ZNF585B: variants seen among roughly 807,000 people sequenced by gnomAD.
ZNF585B encodes the protein zinc finger protein 585B.
ZNF585B carries 7 observed loss-of-function variants against 14.0 expected under a neutral mutation model. The observed-to-expected ratio is 0.50, with a 90% CI of 0.28 to 0.94. The LOEUF (loss-of-function observed/expected upper bound fraction) is 0.94, where lower values mean the gene tolerates loss of function less well. Ranked by LOEUF, ZNF585B falls within the 40% of genes least tolerant of loss-of-function variation. The pLI, the probability that ZNF585B is intolerant of heterozygous loss-of-function variation, is 0.09. For synonymous variants in ZNF585B, 290 were observed against 317.3 expected (o/e 0.91, Z 0.91); for missense variants, 750 against 924.4 (o/e 0.81, Z 2.45).
chr19:37,195,294 C>T (rs1972450819), intron 2 of ZNF585B, among the ~76,000 whole-genome samples: 1 of 128,828 alleles, frequency 7.8e-6, no homozygotes, highest in Non-Finnish European at 1.6e-5. Flanking sequence ...TGCAGTGAGC[C>T]GAGATCATGC....
intron 2 of ZNF585B, 85 bp from the exon 3 acceptor site, chr19:37,190,235 TG>T (rs1487338691): frequency 4.5e-6 from 7 of 1,560,670 alleles, no homozygotes; most frequent in Non-Finnish European, 6.1e-6. Flanking sequence ...ACATGGGTTT[TG>T]TTGTTTTTAA....
intron 2 of ZNF585B, among the ~76,000 whole-genome samples, chr19:37,196,697 C>G (rs1972468315): frequency 6.6e-6 from 1 of 152,126 alleles, no homozygotes; most frequent in South Asian, 2.1e-4. Flanking sequence ...TTCACTTCCA[C>G]TTAATAAATA....
chr19:37,196,964 T>C (rs1280742340), intron 2 of ZNF585B, among the ~76,000 whole-genome samples: 2 of 152,216 alleles, frequency 1.3e-5, no homozygotes, highest in African/African-American at 4.8e-5. Context: ...GTGCTTAGTA[T>C]AATTGCGGTT....
intron 2 of ZNF585B, among the ~76,000 whole-genome samples, chr19:37,206,787 C>T (rs1374556038): frequency 6.6e-6 from 1 of 152,188 alleles, no homozygotes; most frequent in Non-Finnish European, 1.5e-5. Context: ...ATCAATATAG[C>T]GTGATGACAA....
chr19:37,199,506 A>G, intron 2 of ZNF585B: 1 of 452,094 alleles, frequency 2.2e-6, no homozygotes, highest in South Asian at 1.6e-5. Flanking sequence ...GCCTGAGGAT[A>G]GAGTGAGACC....
At chr19:37,210,363 T>A (rs1717069) in intron 1 of ZNF585B, 78 bp downstream of exon 1, 62,056 of 150,818 alleles carry the variant, frequency 0.41, 14,310 homozygotes, top group African/African-American at 0.64. Flanking sequence ...CCCATCACCA[T>A]GCCCCGAAAC....
rs549089422 is a variant in ZNF585B at position 37,184,950 on chromosome 19, T to C, written c.*277A>G. The C allele has an allele frequency of 1.1e-4, 52 of 469,058 alleles. No individual in the cohort carries two copies. The East Asian group carries it at 1.6e-3, about 15-fold the overall frequency. 29.1% of individuals were successfully genotyped at this position (469,058 alleles called of 1,614,324 possible). Reference sequence around the variant, plus strand: ...TGAAGAATTTGGTAACAGTATTCTATTGTAGTTTTCATGAGAAGGCTTTTC... The same window carrying C: ...TGAAGAATTTGGTAACAGTATTCTACTGTAGTTTTCATGAGAAGGCTTTTC... On this transcript the variant is annotated 3_prime_UTR_variant, in exon 5 of 5. Transcript: ENST00000532828.
chr19:37,199,841 C>T (rs8104836), intron 2 of ZNF585B, among the ~76,000 whole-genome samples: 3,719 of 151,528 alleles, frequency 0.025, 173 homozygotes, highest in African/African-American at 0.085. Flanking sequence ...GTCAGGAGCT[C>T]GAGACCAGCC....
At chr19:37,191,415 C>T (rs1007257361) in intron 2 of ZNF585B, among the ~76,000 whole-genome samples, 4 of 151,552 alleles carry the variant, frequency 2.6e-5, no homozygotes, top group South Asian at 2.1e-4. Context: ...GTTTGGAGTT[C>T]GAGACCAGCC....
chr19:37,186,643 A>G lies in ZNF585B; in HGVS notation c.894T>C (p.Tyr298=). ...AGGATTTGCCACAGTTATTGCATTCATATGGTTTTTCTCCACTATGAATTC... is the reference window on the plus strand; with the variant it reads ...AGGATTTGCCACAGTTATTGCATTCGTATGGTTTTTCTCCACTATGAATTC... ...HRRIHSGEKP[Y]ECNNCGKSFI... is the part of the protein sequence containing the mutation. The change falls in exon 5 of 5, where the codon TAT becomes TAC. Residue 298 remains tyrosine (Y), a synonymous_variant. Coordinates refer to ENST00000532828, the MANE Select transcript of ZNF585B (RefSeq NM_152279.4). 4 of 1,614,192 alleles carry G rather than the reference A, an allele frequency of 2.5e-6. No homozygotes were observed. Among genetic ancestry groups the G allele is most frequent in the Non-Finnish European group, 3.4e-6 (4 of 1,180,022 alleles).
Position 37,186,537 on chromosome 19 carries a change from C to A in ZNF585B, c.1000G>T (p.Val334Phe). 6.2e-7 allele frequency: 1 copy of A among 1,614,212 alleles called. No homozygotes were observed. Among genetic ancestry groups the A allele is most frequent in the Non-Finnish European group, 8.5e-7 (1 of 1,180,034 alleles). The change falls in exon 5 of 5, where the codon GTC becomes TTC. Residue 334 changes from valine (V) to phenylalanine (F), a missense_variant. Around this residue, in one of 2 missense-constraint regions of ZNF585B, gnomAD observed 517 missense variants for 570.3 expected, o/e 0.91. Transcript: ENST00000532828. ...ATGAGGTTGGAATTATTGCTGAAGACCTTCCCATATTCGGTACATATATAG... is the reference window on the plus strand; with the variant it reads ...ATGAGGTTGGAATTATTGCTGAAGAACTTCCCATATTCGGTACATATATAG... ...KPYICTEYGK[V>F]FSNNSNLITH...
At chr19:37,201,896 T>C (rs1171963158) in intron 2 of ZNF585B, among the ~76,000 whole-genome samples, 1 of 152,238 alleles carries the variant, frequency 6.6e-6, no homozygotes, top group African/African-American at 2.4e-5. Flanking sequence ...CAGTATTTTT[T>C]TGAGGTATTT....
chr19:37,181,637 A>G lies in ZNF585B; in HGVS notation c.*3590T>C, dbSNP rs1972267873. On this transcript the variant is annotated 3_prime_UTR_variant, in exon 5 of 5. Transcript: ENST00000532828. ...CTTGGAAGCAATTAAGGTGTCCTTC[A>G]GTAGGTGAATGGATAAATAAGTCAT... is the stretch of plus-strand genomic sequence containing the variant. 1.3e-5 allele frequency: 2 copies of G among 151,854 alleles called. No homozygotes were observed. Among genetic ancestry groups the G allele is most frequent in the Non-Finnish European group, 2.9e-5 (2 of 67,966 alleles). 9.4% of individuals were successfully genotyped at this position (151,854 alleles called of 1,614,324 possible). A position where few individuals can be genotyped will look rare whatever the true frequency, so the allele number is the denominator to read the frequency against.
intron 2 of ZNF585B, among the ~76,000 whole-genome samples, chr19:37,194,335 T>C (rs990965001): frequency 6.6e-6 from 1 of 152,144 alleles, no homozygotes; most frequent in African/African-American, 2.4e-5. Context: ...AAGTATTGGC[T>C]GGGTGCAGTG....
rs573677560 is a variant in ZNF585B, at chr19:37,184,062, A to G, written c.*1165T>C. 1 of 152,164 alleles carries G rather than the reference A, an allele frequency of 6.6e-6. No homozygotes were observed. The highest frequency in any genetic ancestry group is 2.4e-5 in the African/African-American group (1 of 41,484). 9.4% of individuals were successfully genotyped at this position (152,164 alleles called of 1,614,324 possible). A position where few individuals can be genotyped will look rare whatever the true frequency, so the allele number is the denominator to read the frequency against. Reference sequence around the variant, plus strand: ...TTTCTTGAGGGTGGTGGGAGTGTACAAAACACTGTGCTGGGCCGGGCGCAG... The same window carrying G: ...TTTCTTGAGGGTGGTGGGAGTGTACGAAACACTGTGCTGGGCCGGGCGCAG... On this transcript the variant is annotated 3_prime_UTR_variant, in exon 5 of 5. Coordinates refer to ENST00000532828, the MANE Select transcript of ZNF585B (RefSeq NM_152279.4).
chr19:37,184,905 C>A lies in ZNF585B; in HGVS notation c.*322G>T, dbSNP rs1047331. On this transcript the variant is annotated 3_prime_UTR_variant, in exon 5 of 5. Coordinates refer to ENST00000532828, the MANE Select transcript of ZNF585B (RefSeq NM_152279.4). ...TCCACAGTAAACAGGATTATCATTCCCATAATATGATCTTTCTTATGAAGA... is the reference window on the plus strand; with the variant it reads ...TCCACAGTAAACAGGATTATCATTCACATAATATGATCTTTCTTATGAAGA... The A allele has an allele frequency of 4.6e-5, 21 of 452,918 alleles. No individual in the cohort carries two copies. The East Asian group carries it at 5.4e-4, about 12-fold the overall frequency. 28.1% of individuals were successfully genotyped at this position (452,918 alleles called of 1,614,324 possible).
chr19:37,198,791 A>G (rs1972499811), intron 2 of ZNF585B: 4 of 330,142 alleles, frequency 1.2e-5, no homozygotes, highest in Non-Finnish European at 1.5e-5. Flanking sequence ...TAGTCACAAT[A>G]TTATTTATTG....
chr19:37,198,305 G>A (rs1240673968), intron 2 of ZNF585B, among the ~76,000 whole-genome samples: 1 of 151,994 alleles, frequency 6.6e-6, no homozygotes, highest in Non-Finnish European at 1.5e-5. Flanking sequence ...CCCAGTAGCT[G>A]GGATTACAGG....
Position 37,182,329 on chromosome 19 carries a change from G to A in ZNF585B, c.*2898C>T, listed in dbSNP as rs546267148. On this transcript the variant is annotated 3_prime_UTR_variant, in exon 5 of 5. Coordinates refer to ENST00000532828, the MANE Select transcript of ZNF585B (RefSeq NM_152279.4). ...TACACTTAGGAGTAAGGTAAAATGG[G>A]AATAATGAAGGGGACCAGACCTTGT... 1.3e-5 allele frequency: 2 copies of A among 152,274 alleles called. No individual in the cohort carries two copies. Among genetic ancestry groups the A allele is most frequent in the Admixed American group, 1.3e-4 (2 of 15,282 alleles). The allele number at this position is 152,274 out of a possible 1,614,324, so 9.4% of individuals were successfully genotyped here. A position where few individuals can be genotyped will look rare whatever the true frequency, so the allele number is the denominator to read the frequency against.
Sources: allele counts gnomAD v4.1 joint callset (sites outside exome capture counted in the v4.1 genomes callset), GRCh38; gene constraint gnomAD v4.1.1; regional missense constraint gnomAD v4.1.1; transcripts MANE v1.5; gene names NCBI Gene and HGNC (gene_info 2026-07-23, HGNC 2026-07-21).